SLC24A2: variants seen among roughly 807,000 people sequenced by gnomAD.
SLC24A2 encodes the protein sodium/potassium/calcium exchanger 2.
Under a neutral mutation model 62.0 loss-of-function variants are expected in SLC24A2, and 36 were observed. The ratio of observed to expected loss-of-function variants is 0.58; its 90% CI spans 0.44 to 0.77. The LOEUF is 0.77. Ranked by LOEUF, SLC24A2 falls within the 30% of genes least tolerant of loss-of-function variation. SLC24A2 has a pLI of 0.00. For synonymous variants in SLC24A2, 358 were observed against 294.0 expected (o/e 1.22, Z -2.23); for missense variants, 846 against 817.9 (o/e 1.03, Z -0.42).
chr9:19,622,275 C>T lies in SLC24A2; in HGVS notation c.955G>A (p.Glu319Lys). Residue 319 changes from glutamate to lysine, a missense_variant, in exon 3 of 11, where the codon GAA (glutamate) becomes AAA (lysine). Physicochemically the swap from Glu to Lys is moderately conservative, Grantham distance 56 (BLOSUM62 1). Coordinates refer to ENST00000341998, the MANE Select transcript of SLC24A2 (RefSeq NM_020344.4). ...AKPSAARDKD[E>K]PTLPAKPRLQ... The stretch of plus-strand genomic sequence containing the variant: ...CTGCTTCCTACCGGTAGAGTTGGTT[C>T]ATCCTTGTCCCTGGCTGCAGATGGC... 1.2e-6 allele frequency: 2 copies of T among 1,613,134 alleles called. No individual in the cohort carries two copies. Among genetic ancestry groups the T allele is most frequent in the Non-Finnish European group, 8.5e-7 (1 of 1,179,308 alleles).
chr9:19,631,101 A>T (rs1000470003), intron 2 of SLC24A2, among the ~76,000 whole-genome samples: 1 of 152,134 alleles, frequency 6.6e-6, no homozygotes, highest in African/African-American at 2.4e-5. Context: ...CACCCTTCTG[A>T]GGGCAGAGAC....
At chr9:20,095,727 G>C in the SLC24A2 span, among the ~76,000 whole-genome samples, 1 of 151,652 alleles carries the variant, frequency 6.6e-6, no homozygotes, top group East Asian at 2.0e-4. Flanking sequence ...TTTTCATGCT[G>C]TTAATAAAGA....
At chr9:20,148,139 T>C in the SLC24A2 span, among the ~76,000 whole-genome samples, 1 of 152,154 alleles carries the variant, frequency 6.6e-6, no homozygotes, top group Non-Finnish European at 1.5e-5. Context: ...AAGTATACTC[T>C]TCAAAGTGTG....
the SLC24A2 span, among the ~76,000 whole-genome samples, chr9:19,853,490 C>T: frequency 2.6e-5 from 4 of 152,068 alleles, no homozygotes; most frequent in South Asian, 2.1e-4. Flanking sequence ...CCTTCAATAC[C>T]TAATTTATTG....
the SLC24A2 span, among the ~76,000 whole-genome samples, chr9:20,093,206 G>A: frequency 1.3e-5 from 2 of 151,724 alleles, no homozygotes; most frequent in Non-Finnish European, 2.9e-5. Context: ...CTGAGTAGCT[G>A]GGATTACAGG....
the SLC24A2 span, among the ~76,000 whole-genome samples, chr9:20,262,634 C>T: frequency 6.6e-6 from 1 of 152,164 alleles, no homozygotes; most frequent in South Asian, 2.1e-4. Flanking sequence ...CTTATGAAAC[C>T]TTATCATGAG....
At chr9:19,640,412 A>G (rs1818463184) in intron 2 of SLC24A2, among the ~76,000 whole-genome samples, 1 of 152,252 alleles carries the variant, frequency 6.6e-6, no homozygotes, top group Non-Finnish European at 1.5e-5. Flanking sequence ...TAAGTTGTTT[A>G]AAAAATTTTG....
intron 7 of SLC24A2, among the ~76,000 whole-genome samples, chr9:19,553,109 C>G (rs1834923774): frequency 6.6e-6 from 1 of 152,116 alleles, no homozygotes; most frequent in Non-Finnish European, 1.5e-5. Context: ...ACCCCAGGAG[C>G]AAGGCTGTTG....
chr9:19,545,690 G>C (rs903993392), intron 8 of SLC24A2, among the ~76,000 whole-genome samples: 1 of 151,304 alleles, frequency 6.6e-6, no homozygotes, highest in Non-Finnish European at 1.5e-5. Flanking sequence ...TTACGCTGGA[G>C]TGCAGTGGTG....
At chr9:19,896,786 T>A in the SLC24A2 span, among the ~76,000 whole-genome samples, 1 of 152,228 alleles carries the variant, frequency 6.6e-6, no homozygotes, top group South Asian at 2.1e-4. Flanking sequence ...TGTGCCTCTA[T>A]TTCTTTGTCT....
chr9:19,806,799 A>G, the SLC24A2 span, among the ~76,000 whole-genome samples: 1 of 152,152 alleles, frequency 6.6e-6, no homozygotes, highest in Non-Finnish European at 1.5e-5. Context: ...TCACAGTCAC[A>G]GCTCTCTCAC....
At chr9:20,260,842 A>ATTTTTTTTTTTTTTT in the SLC24A2 span, among the ~76,000 whole-genome samples, 1 of 124,958 alleles carries the variant, frequency 8.0e-6, no homozygotes, top group African/African-American at 3.1e-5. Flanking sequence ...CCAACGTATC[A>ATTTTTTTTTTTTTTT]TTCTTTCTTT....
At chr9:19,517,972 G>C (rs1209823685) in intron 10 of SLC24A2, among the ~76,000 whole-genome samples, 1 of 144,270 alleles carries the variant, frequency 6.9e-6, no homozygotes, top group Non-Finnish European at 1.5e-5. Flanking sequence ...CACACTTCTA[G>C]TGAAGTTGAG....
the SLC24A2 span, among the ~76,000 whole-genome samples, chr9:19,990,958 A>AT: frequency 1.9e-5 from 2 of 106,766 alleles, no homozygotes; most frequent in Non-Finnish European, 4.2e-5. Context: ...TATGTATTAT[A>AT]TATACTATAT....
chr9:19,572,197 T>C (rs1236150683), intron 7 of SLC24A2, among the ~76,000 whole-genome samples: 2 of 143,614 alleles, frequency 1.4e-5, no homozygotes, highest in East Asian at 4.2e-4. Flanking sequence ...GAGGTGGAGG[T>C]TGCAGTGAGC....
At chr9:20,008,667 G>T in the SLC24A2 span, among the ~76,000 whole-genome samples, 1 of 152,058 alleles carries the variant, frequency 6.6e-6, no homozygotes, top group Admixed American at 6.6e-5. Flanking sequence ...TTGTAGTCCA[G>T]CCTGCTATCT....
At chr9:20,215,069 A>C in the SLC24A2 span, among the ~76,000 whole-genome samples, 10 of 152,240 alleles carry the variant, frequency 6.6e-5, no homozygotes, top group Non-Finnish European at 1.2e-4. Context: ...TATTTTTCAC[A>C]GTTCTCAAGG....
chr9:20,268,021 C>G, the SLC24A2 span, among the ~76,000 whole-genome samples: 1 of 152,158 alleles, frequency 6.6e-6, no homozygotes, highest in Non-Finnish European at 1.5e-5. Context: ...GCACTTCCTG[C>G]CCCACAGCCA....
chr9:19,675,663 C>T (rs970679215), intron 2 of SLC24A2, among the ~76,000 whole-genome samples: 6 of 152,136 alleles, frequency 3.9e-5, no homozygotes, highest in Non-Finnish European at 7.4e-5. Context: ...AGGCCTCACC[C>T]AGCTCCTACA....
Sources: gnomAD v4.1 joint callset for allele counts (sites outside exome capture counted in the v4.1 genomes callset) on GRCh38, gnomAD v4.1.1 for gene constraint, MANE v1.5 for transcripts, NCBI Gene and HGNC (gene_info 2026-07-23, HGNC 2026-07-21) for gene names.